The following ROBO2 variants were observed in gnomAD, a reference collection of about 807,000 sequenced individuals.
The protein encoded by ROBO2 is roundabout homolog 2.
In ROBO2, 53 loss-of-function variants were observed where a neutral mutation model predicts 160.8. The ratio of observed to expected loss-of-function variants is 0.33; its 90% CI spans 0.26 to 0.41. The LOEUF is 0.41. Among genes scored for constraint, ROBO2 ranks in the 10% least tolerant of loss-of-function variants. ROBO2 has a pLI of 1.00. For missense variants in ROBO2, 1,577 were observed against 1,722.4 expected, an observed-to-expected ratio of 0.92 and a Z score of 1.49; for synonymous variants, 664 against 611.7, an observed-to-expected ratio of 1.09 and a Z score of -1.26.
chr3:76,927,045 C>T (rs2077034040), intron 2 of ROBO2, among the ~76,000 whole-genome samples: 1 of 152,164 alleles, frequency 6.6e-6, no homozygotes, highest in South Asian at 2.1e-4. Context: ...TGACGGAAGA[C>T]ATGAGATTAT....
intron 2 of ROBO2, among the ~76,000 whole-genome samples, chr3:77,434,948 A>G (rs1198134425): frequency 2.0e-5 from 3 of 152,082 alleles, no homozygotes; most frequent in Non-Finnish European, 4.4e-5. Flanking sequence ...CAATTTTAAT[A>G]TGCTTAGAAG....
At chr3:77,542,496 T>C (rs1250912344) in intron 6 of ROBO2, among the ~76,000 whole-genome samples, 2 of 152,208 alleles carry the variant, frequency 1.3e-5, no homozygotes, top group East Asian at 3.9e-4. Context: ...CATTTCCGAC[T>C]TGGAGTAAAT....
chr3:77,370,519 C>T (rs1488230714), intron 2 of ROBO2, among the ~76,000 whole-genome samples: 1 of 152,144 alleles, frequency 6.6e-6, no homozygotes. Flanking sequence ...GGGCTTGTGG[C>T]AGCAGGTCGA....
intron 2 of ROBO2, among the ~76,000 whole-genome samples, chr3:76,798,572 T>C (rs554654805): frequency 2.6e-5 from 4 of 152,300 alleles, no homozygotes; most frequent in South Asian, 4.1e-4. Flanking sequence ...AAATTCAGTA[T>C]TGCTTCATGA....
intron 2 of ROBO2, among the ~76,000 whole-genome samples, chr3:77,368,255 A>AT (rs5850326): frequency 0.82 from 125,060 of 151,950 alleles, 51,695 homozygotes; most frequent in East Asian, 1. Context: ...AAATACATTC[A>AT]TTTTTTTGTT....
intron 2 of ROBO2, among the ~76,000 whole-genome samples, chr3:76,416,426 G>C (rs939856005): frequency 6.6e-6 from 1 of 151,794 alleles, no homozygotes; most frequent in African/African-American, 2.4e-5. Context: ...GTGTGTGTGT[G>C]GGGGGGAAAT....
At chr3:76,599,543 A>G (rs1560211926) in intron 2 of ROBO2, among the ~76,000 whole-genome samples, 1 of 152,200 alleles carries the variant, frequency 6.6e-6, no homozygotes, top group Non-Finnish European at 1.5e-5. Context: ...AGAAAGACTT[A>G]TATTCCTTTG....
rs75103327 is a variant in ROBO2, at chr3:77,437,854, C to T, written c.389-39560C>T. ...GAATACACCCTGTCCTCTGACCAGT[C>T]AATTCCTTAATATCCAGATGCAAGA... On this transcript the variant is annotated intron_variant, in intron 2 of 25. Transcript: ENST00000461745. Among the ~76,000 whole-genome samples, 1,503 of 152,074 alleles carry T rather than the reference C, an allele frequency of 9.9e-3. 34 individuals carry two copies. Among genetic ancestry groups the T allele is most frequent in the African/African-American group, 0.034 (1,432 of 41,538 alleles).
At chr3:77,341,123 A>G (rs1560574428) in intron 2 of ROBO2, among the ~76,000 whole-genome samples, 1 of 152,140 alleles carries the variant, frequency 6.6e-6, no homozygotes, top group Admixed American at 6.6e-5. Context: ...CATATTCTCT[A>G]TTGCTGTTTT....
intron 2 of ROBO2, among the ~76,000 whole-genome samples, chr3:77,100,597 T>C (rs1012673409): frequency 6.6e-6 from 1 of 152,050 alleles, no homozygotes; most frequent in African/African-American, 2.4e-5. Flanking sequence ...ATACTCATTG[T>C]GGTGCATTCA....
At chr3:76,815,649 T>C (rs1045135668) in intron 2 of ROBO2, among the ~76,000 whole-genome samples, 5 of 139,234 alleles carry the variant, frequency 3.6e-5, no homozygotes, top group Non-Finnish European at 7.8e-5. Context: ...AAATGGCCTA[T>C]CTTCTGGGTA....
intron 2 of ROBO2, among the ~76,000 whole-genome samples, chr3:77,446,963 A>G (rs550114122): frequency 2.0e-5 from 3 of 152,222 alleles, no homozygotes; most frequent in African/African-American, 7.2e-5. Flanking sequence ...CTGTGAAAGA[A>G]TGCAGTAAAT....
intron 5 of ROBO2, among the ~76,000 whole-genome samples, chr3:77,498,083 C>A (rs1037266324): frequency 2.6e-5 from 4 of 152,054 alleles, no homozygotes; most frequent in African/African-American, 9.7e-5. Context: ...GTTTGTATTT[C>A]ATTTCATTAT....
chr3:76,206,964 T>C (rs1228510457), intron 2 of ROBO2, among the ~76,000 whole-genome samples: 2 of 152,134 alleles, frequency 1.3e-5, no homozygotes, highest in Admixed American at 6.6e-5. Context: ...ATTATGCATT[T>C]TTTTCATTCC....
At chr3:76,063,965 G>A (rs1007476828) in intron 2 of ROBO2, among the ~76,000 whole-genome samples, 1 of 152,112 alleles carries the variant, frequency 6.6e-6, no homozygotes, top group African/African-American at 2.4e-5. Flanking sequence ...GTTTTGAGAG[G>A]GCCATATGGC....
At chr3:76,301,625 A>G (rs552245959) in intron 2 of ROBO2, among the ~76,000 whole-genome samples, 1 of 152,158 alleles carries the variant, frequency 6.6e-6, no homozygotes, top group South Asian at 2.1e-4. Context: ...ATGAGGTGAA[A>G]GTTACTAAAG....
chr3:76,168,765 A>G (rs544142836), intron 2 of ROBO2, among the ~76,000 whole-genome samples: 82 of 152,146 alleles, frequency 5.4e-4, no homozygotes, highest in African/African-American at 1.9e-3. Context: ...AAATATAATT[A>G]TGATAAATAA....
At chr3:76,313,651 T>C (rs1018983005) in intron 2 of ROBO2, among the ~76,000 whole-genome samples, 6 of 152,216 alleles carry the variant, frequency 3.9e-5, no homozygotes, top group Non-Finnish European at 7.3e-5. Context: ...AGCTCAAGCT[T>C]ACCTGCGTAC....
At chr3:76,961,700 T>C (rs976951431) in intron 2 of ROBO2, among the ~76,000 whole-genome samples, 1 of 152,190 alleles carries the variant, frequency 6.6e-6, no homozygotes, top group Admixed American at 6.5e-5. Flanking sequence ...GAACAAACTA[T>C]TCCCTCCTGC....
Sources: allele counts gnomAD v4.1 joint callset (sites outside exome capture counted in the v4.1 genomes callset), GRCh38; gene constraint gnomAD v4.1.1; transcripts MANE v1.5; gene names NCBI Gene and HGNC (gene_info 2026-07-23, HGNC 2026-07-21).